The following WDFY3 variants were observed in gnomAD, a reference collection of about 807,000 sequenced individuals.
WDFY3 encodes WD repeat and FYVE domain containing 3, also known as WD repeat and FYVE domain-containing protein 3.
In WDFY3, 66 loss-of-function variants were observed where a neutral mutation model predicts 409.6. That is an observed-to-expected ratio of 0.16 (90% CI 0.13 to 0.20). The LOEUF is 0.20. Ranked by LOEUF, WDFY3 falls within the 10% of genes least tolerant of loss-of-function variation. WDFY3 has a pLI of 1.00. For missense variants in WDFY3, 3,031 were observed against 4,298.1 expected (o/e 0.71, Z 8.24); for synonymous variants, 1,521 against 1,537.1 (o/e 0.99, Z 0.25).
chr4:84,797,747 AT>A (rs1012881310), intron 18 of WDFY3, among the ~76,000 whole-genome samples: 39 of 151,292 alleles, frequency 2.6e-4, no homozygotes, highest in Non-Finnish European at 5.0e-4. Context: ...CGCCCGGCTA[AT>A]TTTTTTTGTA....
intron 64 of WDFY3, 54 bp from the exon 65 acceptor site, chr4:84,679,296 A>C: frequency 7.0e-7 from 1 of 1,426,554 alleles, no homozygotes; most frequent in Non-Finnish European, 9.2e-7. Flanking sequence ...AGTTACACCC[A>C]GCTTTGTTCT....
At chr4:84,921,646 ATTTTTTTTTTT>A (rs747576197) in intron 2 of WDFY3, among the ~76,000 whole-genome samples, 5 of 78,664 alleles carry the variant, frequency 6.4e-5, no homozygotes, top group Non-Finnish European at 9.6e-5. Context: ...TATTGCTTTC[ATTTTTTTTTTT>A]TTTTTTTTTT....
At chr4:84,764,523 T>C (rs1374659817) in intron 32 of WDFY3, among the ~76,000 whole-genome samples, 1 of 152,150 alleles carries the variant, frequency 6.6e-6, no homozygotes, top group Admixed American at 6.5e-5. Flanking sequence ...CTTCAGACCT[T>C]CTTCACATCT....
chr4:84,768,148 G>A (rs1302254348), intron 30 of WDFY3, among the ~76,000 whole-genome samples: 1 of 152,180 alleles, frequency 6.6e-6, no homozygotes, highest in Non-Finnish European at 1.5e-5. Flanking sequence ...GTTCATGAGG[G>A]TTAAGGAAAG....
intron 41 of WDFY3, 129 bp downstream of exon 41, chr4:84,737,055 T>C (rs1737568674): frequency 1.1e-6 from 1 of 944,204 alleles, no homozygotes; most frequent in Non-Finnish European, 1.5e-6. Flanking sequence ...TCTAGAATGG[T>C]TGTTATATTG....
At chr4:84,917,299 G>A (rs552670344) in intron 2 of WDFY3, among the ~76,000 whole-genome samples, 282 of 152,308 alleles carry the variant, frequency 1.9e-3, no homozygotes, top group Non-Finnish European at 3.0e-3. Flanking sequence ...GAGAGCCTCG[G>A]AGGCCAGTTG....
intron 2 of WDFY3, among the ~76,000 whole-genome samples, chr4:84,910,559 T>C (rs1006797944): frequency 6.6e-6 from 1 of 152,076 alleles, no homozygotes; most frequent in African/African-American, 2.4e-5. Context: ...GACTATTCAA[T>C]GGAGGAGAAG....
At chr4:84,678,120 C>T (rs1329414270) in intron 66 of WDFY3, 48 bp downstream of exon 66, 1 of 1,481,432 alleles carries the variant, frequency 6.8e-7, no homozygotes, top group South Asian at 1.1e-5. Context: ...CCTTGGCTAA[C>T]CAAATGACTC....
At chr4:84,777,684 G>GT (rs1745785978) in intron 27 of WDFY3, among the ~76,000 whole-genome samples, 1 of 152,038 alleles carries the variant, frequency 6.6e-6, no homozygotes, top group Admixed American at 6.6e-5. Flanking sequence ...TGAGGAAGAA[G>GT]GGTTAGGGCC....
intron 56 of WDFY3, among the ~76,000 whole-genome samples, chr4:84,699,044 GTT>G (rs77818435): frequency 1.4e-5 from 2 of 143,258 alleles, no homozygotes; most frequent in Non-Finnish European, 1.5e-5. Flanking sequence ...GAGGCAAACT[GTT>G]TTTTTTTTTT....
intron 12 of WDFY3, among the ~76,000 whole-genome samples, chr4:84,818,852 A>C (rs1753683411): frequency 1.3e-5 from 2 of 152,170 alleles, no homozygotes; most frequent in Non-Finnish European, 2.9e-5. Flanking sequence ...ATATGTACTA[A>C]GTGACTTTTA....
chr4:84,716,521 G>A (rs1733946970), intron 49 of WDFY3, among the ~76,000 whole-genome samples: 1 of 145,850 alleles, frequency 6.9e-6, no homozygotes, highest in Non-Finnish European at 1.5e-5. Context: ...TTTCGGCCGG[G>A]CGCGGTGGCT....
rs575517793 is a variant in WDFY3, at chr4:84,737,245, G to A, written c.6696C>T (p.Asp2232=). The A allele has an allele frequency of 6.8e-6, 11 of 1,614,110 alleles. No individual in the cohort carries two copies. Among genetic ancestry groups the A allele is most frequent in the African/African-American group, 4.0e-5 (3 of 75,030 alleles). ...CAATGAGTGGCCTTGCTGTAGCTAT[G>A]TCCACGTGGCCCCTTTCATTCACAG... ...TLPVNERGHV[D]IATARPLIEE... Residue 2232 remains aspartate (D), a synonymous_variant, in exon 41 of 68, where the codon GAC becomes GAT. Transcript: ENST00000295888.
chr4:84,822,954 T>A (rs1037289378), intron 10 of WDFY3, among the ~76,000 whole-genome samples: 33 of 152,326 alleles, frequency 2.2e-4, no homozygotes, highest in Non-Finnish European at 2.1e-4. Context: ...TGGAAAAGAA[T>A]AATCAACATC....
chr4:84,761,930 T>G (rs552644368), intron 32 of WDFY3, among the ~76,000 whole-genome samples: 3 of 152,190 alleles, frequency 2.0e-5, no homozygotes, highest in Non-Finnish European at 4.4e-5. Flanking sequence ...CTCACACCAG[T>G]TAGAATGGCA....
At position 84,782,833 on chromosome 4, in the gene WDFY3, A is replaced by C. The variant is rs188328242; in HGVS notation, c.4174+130T>G. The C allele has an allele frequency of 1.0e-4, 68 of 683,150 alleles. No homozygotes were observed. The African/African-American group carries it at 1.2e-3, about 12-fold the overall frequency. 42.3% of individuals were successfully genotyped at this position (683,150 alleles called of 1,614,324 possible). A position where few individuals can be genotyped will look rare whatever the true frequency, so the allele number is the denominator to read the frequency against. ...TGAGATTGTTACATGTAATCTCTGAATACTGCACGTACACTATAGGTCAGT... is the reference window on the plus strand; with the variant it reads ...TGAGATTGTTACATGTAATCTCTGACTACTGCACGTACACTATAGGTCAGT... On this transcript the variant is annotated intron_variant, in intron 25 of 67. Transcript: ENST00000295888.
intron 1 of WDFY3, among the ~76,000 whole-genome samples, chr4:84,941,396 G>A (rs994371266): frequency 5.9e-5 from 9 of 151,912 alleles, no homozygotes; most frequent in Admixed American, 1.3e-4. Flanking sequence ...ATTTATAATA[G>A]CACCCAAAAC....
intron 23 of WDFY3, among the ~76,000 whole-genome samples, chr4:84,786,940 G>A (rs1413238798): frequency 6.6e-6 from 1 of 152,160 alleles, no homozygotes. Flanking sequence ...ATCAGAACAA[G>A]GGAGTGGAAG....
chr4:84,798,967 C>G (rs1475527689), intron 17 of WDFY3, among the ~76,000 whole-genome samples: 1 of 152,210 alleles, frequency 6.6e-6, no homozygotes, highest in Non-Finnish European at 1.5e-5. Flanking sequence ...TCCAGCTTCA[C>G]TGCTCCCATC....
Sources: gnomAD v4.1 joint callset for allele counts (sites outside exome capture counted in the v4.1 genomes callset) on GRCh38, gnomAD v4.1.1 for gene constraint, MANE v1.5 for transcripts, NCBI Gene and HGNC (gene_info 2026-07-23, HGNC 2026-07-21) for gene names.